ERFE: variants seen among roughly 807,000 people sequenced by gnomAD.
ERFE encodes complement C1q tumor necrosis factor-related protein 15.
Under a neutral mutation model 26.6 loss-of-function variants are expected in ERFE, and 25 were observed. The ratio of observed to expected loss-of-function variants is 0.94; its 90% CI spans 0.69 to 1.31. The LOEUF is 1.31. Ranked by LOEUF, ERFE falls within the 40% of genes most tolerant of loss-of-function variation. ERFE has a pLI of 0.00. For missense variants in ERFE, 447 were observed against 440.2 expected (o/e 1.02, Z -0.14); for synonymous variants, 206 against 204.5 (o/e 1.01, Z -0.06).
At chr2:238,164,211 C>A in intron 5 of ERFE, 28 bp downstream of exon 5, 1 of 1,432,078 alleles carries the variant, frequency 7.0e-7, no homozygotes, top group African/African-American at 1.5e-5. Context: ...GGAGGATCGC[C>A]CGCTCTGTCG....
Position 238,167,704 on chromosome 2 carries a change from G to A in ERFE, c.*650G>A. Reference sequence around the variant, plus strand: ...AGGGCCTTTGGGGGACAGTAAGTCTGGGCCCAGCTTCTAGTTCTAATGTGT... The same window carrying A: ...AGGGCCTTTGGGGGACAGTAAGTCTAGGCCCAGCTTCTAGTTCTAATGTGT... On this transcript the variant is annotated 3_prime_UTR_variant, in exon 8 of 8. Coordinates refer to ENST00000546354, the MANE Select transcript of ERFE (RefSeq NM_001291832.2). The A allele has an allele frequency of 2.9e-6, 1 of 341,238 alleles. No homozygotes were observed. The highest frequency in any genetic ancestry group is 2.3e-5 in the South Asian group (1 of 43,760). 21.1% of individuals were successfully genotyped at this position (341,238 alleles called of 1,614,324 possible).
In ERFE at chr2:238,159,067, G is replaced by GGCC. The variant is rs1377321778; in HGVS notation, c.72_74dup (p.Ala25dup). 2 of 237,332 alleles carry GGCC rather than the reference G, an allele frequency of 8.4e-6. No individual in the cohort carries two copies. The highest frequency in any genetic ancestry group is 8.9e-5 in the East Asian group (1 of 11,174). 14.7% of individuals were successfully genotyped at this position (237,332 alleles called of 1,614,324 possible). A position where few individuals can be genotyped will look rare whatever the true frequency, so the allele number is the denominator to read the frequency against. On this transcript the variant is annotated inframe_insertion, in exon 1 of 8. Transcript: ENST00000546354. Reference sequence around the variant, plus strand: ...TGCTGCTCGTCTACGCGGGCCTGCTGGCCGCCGCCGCCGCGGGCCTGGGGT... The same window carrying GGCC: ...TGCTGCTCGTCTACGCGGGCCTGCTGGCCGCCGCCGCCGCCGCGGGCCTGGGGT...
In ERFE at chr2:238,162,676, G is replaced by T. The variant is rs1692956109; in HGVS notation, c.322-60G>T. 4 of 1,089,062 alleles carry T rather than the reference G, an allele frequency of 3.7e-6. No individual in the cohort carries two copies. The South Asian group carries it at 4.0e-5, about 11-fold the overall frequency. 67.5% of individuals were successfully genotyped at this position (1,089,062 alleles called of 1,614,324 possible). On this transcript the variant is annotated intron_variant, in intron 2 of 7. Transcript: ENST00000546354. ...CTCTTAGTGGCAAGAGCTTGCACAG[G>T]GGATGCTGTGGCTCCCAGCCTGCTC... is the stretch of plus-strand genomic sequence containing the variant.
rs1210089744 is a variant in ERFE, at chr2:238,159,103, TG to T, written c.100del (p.Ala34ArgfsTer73). ...CCGCGGGCCTGGGGTCCCCGGAGCC[TG>T]GGGCGCCCTCGAGGAGCCGCGCCCG... ...AAAGLGSPEP[G>X]APSRSRARRE... is the part of the protein sequence containing the mutation. On this transcript the variant is annotated frameshift_variant, in exon 1 of 8. Transcript: ENST00000546354. LOFTEE classifies it high-confidence loss of function. 1 of 208,362 alleles carries T rather than the reference TG, an allele frequency of 4.8e-6. No homozygotes were observed. Among genetic ancestry groups the T allele is most frequent in the Non-Finnish European group, 9.3e-6 (1 of 107,558 alleles). The allele number at this position is 208,362 out of a possible 1,614,324, so 12.9% of individuals were successfully genotyped here. A position where few individuals can be genotyped will look rare whatever the true frequency, so the allele number is the denominator to read the frequency against.
rs1338433613 is a variant in ERFE, at chr2:238,165,696, A to C, written c.966+12A>C. ...TCCTGTACCTGCAGGTGAGTGCGGC[A>C]GGCTTGGGCATCGAGGGGCACCGCC... On this transcript the variant is annotated intron_variant, in intron 7 of 7. Transcript: ENST00000546354. 6.5e-7 allele frequency: 1 copy of C among 1,545,010 alleles called. No homozygotes were observed. The highest frequency in any genetic ancestry group is 8.8e-7 in the Non-Finnish European group (1 of 1,142,772).
At position 238,168,037 on chromosome 2, in the gene ERFE, C is replaced by G. The variant is rs1386875104; in HGVS notation, c.*983C>G. The G allele has an allele frequency of 5.0e-6, 1 of 199,120 alleles. No homozygotes were observed. The highest frequency in any genetic ancestry group is 1.3e-4 in the East Asian group (1 of 7,484). The allele number at this position is 199,120 out of a possible 1,614,324, so 12.3% of individuals were successfully genotyped here. ...GTCCAGCGGCTCTGGGATGAGCCTCCCAAGCATCTTTCCCACTTGGGTGGC... is the reference window on the plus strand; with the variant it reads ...GTCCAGCGGCTCTGGGATGAGCCTCGCAAGCATCTTTCCCACTTGGGTGGC... On this transcript the variant is annotated 3_prime_UTR_variant, in exon 8 of 8. Transcript: ENST00000546354.
intron 1 of ERFE, among the ~76,000 whole-genome samples, chr2:238,160,416 C>T (rs1350347010): frequency 6.6e-6 from 1 of 152,160 alleles, no homozygotes; most frequent in East Asian, 1.9e-4. Context: ...GGCCGGTGTG[C>T]GGCATCCTCG....
At position 238,162,804 on chromosome 2, in the gene ERFE, G is replaced by A. The variant is rs763642770; in HGVS notation, c.390G>A (p.Glu130=). The A allele has an allele frequency of 1.3e-6, 2 of 1,550,450 alleles. No homozygotes were observed. Among genetic ancestry groups the A allele is most frequent in the East Asian group, 2.4e-5 (1 of 40,922 alleles). ...QGPPGPIIPP[E]ALLKEFQLLL... is the part of the protein sequence containing the mutation. The stretch of plus-strand genomic sequence containing the variant: ...CCCCAGGCCCCATCATCCCACCCGA[G>A]GCGCTGCTGAAGGAGTTCCAGCTGC... The change falls in exon 3 of 8, where the codon GAG becomes GAA. Residue 130 remains glutamate (E), a synonymous_variant. Coordinates refer to ENST00000546354, the MANE Select transcript of ERFE (RefSeq NM_001291832.2).
rs1693079563 is a variant in ERFE, at chr2:238,168,224, G to C, written c.*1170G>C. 2.8e-6 allele frequency: 1 copy of C among 356,668 alleles called. No individual in the cohort carries two copies. The highest frequency in any genetic ancestry group is 5.8e-6 in the Non-Finnish European group (1 of 173,302). 22.1% of individuals were successfully genotyped at this position (356,668 alleles called of 1,614,324 possible). On this transcript the variant is annotated 3_prime_UTR_variant, in exon 8 of 8. Coordinates refer to ENST00000546354, the MANE Select transcript of ERFE (RefSeq NM_001291832.2). Reference sequence around the variant, plus strand: ...AGGACACACAGGCTGTGAGCCCGCAGCCTCCTCAAATGTAGCCTCCCACAT... The same window carrying C: ...AGGACACACAGGCTGTGAGCCCGCACCCTCCTCAAATGTAGCCTCCCACAT...
chr2:238,167,316 G>A lies in ERFE; in HGVS notation c.*262G>A, dbSNP rs115718990. ...AGGAAAGAAAGAGTCGGCGTGCCTG[G>A]GGGCACCTGCTAGTCTCCAGCTGCA... On this transcript the variant is annotated 3_prime_UTR_variant, in exon 8 of 8. Transcript: ENST00000546354. The A allele has an allele frequency of 9.1e-4, 621 of 681,034 alleles. 3 individuals are homozygous for A. Among genetic ancestry groups the A allele is most frequent in the African/African-American group, 8.8e-3 (503 of 56,962 alleles). The allele number at this position is 681,034 out of a possible 1,614,324, so 42.2% of individuals were successfully genotyped here. A position where few individuals can be genotyped will look rare whatever the true frequency, so the allele number is the denominator to read the frequency against.
rs1693092210 is a variant in ERFE at position 238,168,766 on chromosome 2, T to TA, written c.*1713dup. On this transcript the variant is annotated 3_prime_UTR_variant, in exon 8 of 8. Coordinates refer to ENST00000546354, the MANE Select transcript of ERFE (RefSeq NM_001291832.2). Reference sequence around the variant, plus strand: ...TCACTTTGTATCCACTGGGCACAGATATTCTAGAGAACTTATCTTTCACTC... The same window carrying TA: ...TCACTTTGTATCCACTGGGCACAGATAATTCTAGAGAACTTATCTTTCACTC... 1 of 201,278 alleles carries TA rather than the reference T, an allele frequency of 5.0e-6. No homozygotes were observed. The allele number at this position is 201,278 out of a possible 1,614,324, so 12.5% of individuals were successfully genotyped here.
intron 1 of ERFE, among the ~76,000 whole-genome samples, chr2:238,160,519 T>G (rs1018572151): frequency 6.6e-6 from 1 of 152,060 alleles, no homozygotes; most frequent in Non-Finnish European, 1.5e-5. Flanking sequence ...CAGTTGACCC[T>G]CTAAGGCACA....
At chr2:238,160,050 C>A (rs1459839808) in intron 1 of ERFE, among the ~76,000 whole-genome samples, 2 of 152,202 alleles carry the variant, frequency 1.3e-5, no homozygotes, top group East Asian at 1.9e-4. Flanking sequence ...CTGAAGGCAC[C>A]CCCTCCCCGT....
chr2:238,163,654 T>C (rs892204998), intron 3 of ERFE, 83 bp from the exon 4 acceptor site: 9 of 1,228,988 alleles, frequency 7.3e-6, no homozygotes, highest in African/African-American at 1.6e-5. Context: ...CTGGTCTCGC[T>C]AGCACCTGTC....
chr2:238,161,299 G>A (rs990630712), intron 1 of ERFE, among the ~76,000 whole-genome samples: 31 of 152,160 alleles, frequency 2.0e-4, no homozygotes, highest in Non-Finnish European at 4.0e-4. Flanking sequence ...GATTCACCCC[G>A]ATATCCAAGC....
rs944983030 is a variant in ERFE, at chr2:238,164,342, C to T, written c.869C>T (p.Ser290Phe). 55 of 1,541,676 alleles carry T rather than the reference C, an allele frequency of 3.6e-5. No individual in the cohort carries two copies. The highest frequency in any genetic ancestry group is 1.8e-4 in the Middle Eastern group (1 of 5,608). The change falls in exon 6 of 8, where the codon TCC (serine) becomes TTC (phenylalanine). Residue 290 changes from serine (S) to phenylalanine (F), a missense_variant. Ser to Phe is a radical substitution (Grantham distance 155). Transcript: ENST00000546354. ...CTGCGCCTGCTCATCTGCATCCAGT[C>T]CCGGTGCCAGCGCAACGCGTGAGTG... ...DHLRLLICIQ[S>F]RCQRNASLEA...
chr2:238,163,724 C>A lies in ERFE; in HGVS notation c.425-13C>A. ...GGGTCCCTGGCGCGCGGCCACCGCT[C>A]GCTCTGTGCCAGGTGCGGTGCGGCA... On this transcript the variant is annotated splice_polypyrimidine_tract_variant and intron_variant, in intron 3 of 7. Transcript: ENST00000546354. 5 of 1,294,972 alleles carry A rather than the reference C, an allele frequency of 3.9e-6. No individual in the cohort carries two copies. Among genetic ancestry groups the A allele is most frequent in the East Asian group, 3.2e-5 (1 of 31,608 alleles). The allele number at this position is 1,294,972 out of a possible 1,614,324, so 80.2% of individuals were successfully genotyped here.
chr2:238,162,093 C>T (rs928396614), intron 2 of ERFE, among the ~76,000 whole-genome samples: 2 of 152,210 alleles, frequency 1.3e-5, no homozygotes, highest in Non-Finnish European at 2.9e-5. Flanking sequence ...TAGGTCTTGG[C>T]CTGGGCAGAA....
rs777142260 is a variant in ERFE, at chr2:238,166,940, G to C, written c.967-16G>C. 2.3e-5 allele frequency: 35 copies of C among 1,549,272 alleles called. 1 individual carries two copies. In the South Asian group the frequency reaches 3.9e-4, roughly 17 times the overall value. ...TGTTGGGGTGGCCCAGTGCCTCAAA[G>C]GCACCCTCCTTGCAGATGGGGCAGT... On this transcript the variant is annotated splice_polypyrimidine_tract_variant and intron_variant, in intron 7 of 7. Coordinates refer to ENST00000546354, the MANE Select transcript of ERFE (RefSeq NM_001291832.2).
Sources: allele counts gnomAD v4.1 joint callset (sites outside exome capture counted in the v4.1 genomes callset), GRCh38; gene constraint gnomAD v4.1.1; transcripts MANE v1.5; gene names NCBI Gene and HGNC (gene_info 2026-07-23, HGNC 2026-07-21).